Variants in TMEM167A observed in about 807,000 individuals in gnomAD.
TMEM167A encodes transmembrane protein 167A, also known as protein kish-A.
In TMEM167A, 8 loss-of-function variants were observed where a neutral mutation model predicts 11.6. The ratio of observed to expected loss-of-function variants is 0.69; its 90% confidence interval spans 0.40 to 1.24. The LOEUF (loss-of-function observed/expected upper bound fraction) is 1.24, where lower values mean the gene tolerates loss of function less well. Among genes scored for constraint, TMEM167A ranks in the 50% most tolerant of loss-of-function variants. TMEM167A has a pLI of 0.01. For synonymous variants in TMEM167A, 22 were observed against 28.0 expected, an observed-to-expected ratio of 0.79 and a Z score of 0.67; for missense variants, 62 against 87.0, an observed-to-expected ratio of 0.71 and a Z score of 1.14.
chr5:83,073,413 T>C (rs765306375), intron 1 of TMEM167A, among the ~76,000 whole-genome samples: 8 of 152,238 alleles, frequency 5.3e-5, no homozygotes, highest in South Asian at 2.1e-4. Flanking sequence ...GGCATATTTC[T>C]AGTCACAAAA....
In TMEM167A at chr5:83,053,420, T is replaced by TTAC. The variant is rs1331761120; in HGVS notation, c.*3663_*3664insGTA. On this transcript the variant is annotated 3_prime_UTR_variant, in exon 4 of 4. Transcript: ENST00000502346. ...TAAAAATACTGACCTAACTAGTCAG[T>TTAC]TGCCTCCACCTTATATACTATTCAG... The TTAC allele has an allele frequency of 6.6e-6, 1 of 151,956 alleles. No homozygotes were observed. Among genetic ancestry groups the TTAC allele is most frequent in the Non-Finnish European group, 1.5e-5 (1 of 67,906 alleles). 9.4% of individuals were successfully genotyped at this position (151,956 alleles called of 1,614,324 possible).
intron 2 of TMEM167A, chr5:83,064,409 T>A (rs1744450951): frequency 4.1e-6 from 2 of 489,232 alleles, no homozygotes. Flanking sequence ...AATTATTCTT[T>A]AATGAGATAA....
chr5:83,065,771 T>C (rs906682925), intron 1 of TMEM167A, among the ~76,000 whole-genome samples: 1 of 152,190 alleles, frequency 6.6e-6, no homozygotes, highest in African/African-American at 2.4e-5. Context: ...TTGTATTTAA[T>C]AGTTTGAGTC....
At chr5:83,072,032 T>C (rs1199487801) in intron 1 of TMEM167A, among the ~76,000 whole-genome samples, 1 of 152,230 alleles carries the variant, frequency 6.6e-6, no homozygotes, top group African/African-American at 2.4e-5. Flanking sequence ...ATTTAACAAC[T>C]TTCATGGATA....
intron 1 of TMEM167A, among the ~76,000 whole-genome samples, chr5:83,073,084 T>G (rs751393366): frequency 2.0e-5 from 3 of 152,244 alleles, no homozygotes; most frequent in Admixed American, 6.5e-5. Flanking sequence ...TGTTGCATAG[T>G]TGAAAGGGCA....
At chr5:83,062,584 A>C (rs1195674667) in intron 2 of TMEM167A, among the ~76,000 whole-genome samples, 1 of 152,104 alleles carries the variant, frequency 6.6e-6, no homozygotes, top group Non-Finnish European at 1.5e-5. Flanking sequence ...GAATGAATAT[A>C]TTATGAATTA....
chr5:83,066,368 C>T (rs964565740), intron 1 of TMEM167A, among the ~76,000 whole-genome samples: 8 of 152,110 alleles, frequency 5.3e-5, no homozygotes, highest in African/African-American at 1.7e-4. Flanking sequence ...CGGCTGAGTG[C>T]TTACTTGAAA....
chr5:83,071,375 A>G (rs1412989416), intron 1 of TMEM167A: 1 of 152,208 alleles, frequency 6.6e-6, no homozygotes, highest in Non-Finnish European at 1.5e-5. Context: ...CTTTTACATG[A>G]AACTAGTTTA....
intron 1 of TMEM167A, among the ~76,000 whole-genome samples, chr5:83,070,546 A>G (rs918486619): frequency 4.6e-5 from 7 of 152,250 alleles, no homozygotes; most frequent in African/African-American, 1.7e-4. Context: ...GTGTTTTGAA[A>G]TAATAAAAAT....
intron 1 of TMEM167A, 68 bp downstream of exon 1, chr5:83,077,253 C>T: frequency 1.9e-6 from 3 of 1,612,336 alleles, no homozygotes; most frequent in Non-Finnish European, 2.5e-6. Flanking sequence ...CGCACAAACT[C>T]CAGCCCTAGT....
chr5:83,057,892 T>C (rs111230440), intron 3 of TMEM167A, among the ~76,000 whole-genome samples: 437 of 152,216 alleles, frequency 2.9e-3, no homozygotes, highest in African/African-American at 9.7e-3. Flanking sequence ...ATCATGTCAT[T>C]GTGAGTTAAC....
At chr5:83,065,548 G>A (rs1744469454) in intron 1 of TMEM167A, among the ~76,000 whole-genome samples, 1 of 151,980 alleles carries the variant, frequency 6.6e-6, no homozygotes, top group African/African-American at 2.4e-5. Context: ...ATTACAGGTT[G>A]AACATCTCTA....
At chr5:83,058,619 T>A (rs1202855224) in intron 3 of TMEM167A, among the ~76,000 whole-genome samples, 3 of 152,114 alleles carry the variant, frequency 2.0e-5, no homozygotes, top group African/African-American at 7.2e-5. Context: ...ACTAGGGCTA[T>A]ATACCCTCAT....
At chr5:83,066,981 G>A (rs1744492768) in intron 1 of TMEM167A, among the ~76,000 whole-genome samples, 1 of 152,122 alleles carries the variant, frequency 6.6e-6, no homozygotes, top group Admixed American at 6.5e-5. Context: ...GGAGGGCCAA[G>A]CCCTACTACT....
intron 1 of TMEM167A, among the ~76,000 whole-genome samples, chr5:83,074,355 T>C (rs1744607133): frequency 6.6e-6 from 1 of 152,228 alleles, no homozygotes; most frequent in Non-Finnish European, 1.5e-5. Flanking sequence ...GAATTACTTC[T>C]TTCTTGGGGA....
intron 1 of TMEM167A, among the ~76,000 whole-genome samples, chr5:83,076,169 G>T (rs991494755): frequency 2.0e-5 from 3 of 152,178 alleles, no homozygotes; most frequent in Non-Finnish European, 4.4e-5. Flanking sequence ...GTCTCTTCAT[G>T]TTTCACTTCT....
At chr5:83,066,949 T>C (rs1744492271) in intron 1 of TMEM167A, among the ~76,000 whole-genome samples, 1 of 152,218 alleles carries the variant, frequency 6.6e-6, no homozygotes, top group Non-Finnish European at 1.5e-5. Context: ...CATGTTGTGA[T>C]GCAACATAAA....
chr5:83,069,050 G>A (rs1343683234), intron 1 of TMEM167A, among the ~76,000 whole-genome samples: 1 of 152,156 alleles, frequency 6.6e-6, no homozygotes, highest in African/African-American at 2.4e-5. Context: ...AAAGTAGAGT[G>A]TGTATATACG....
chr5:83,077,206 A>T, intron 1 of TMEM167A, 115 bp downstream of exon 1: 2 of 1,475,866 alleles, frequency 1.4e-6, no homozygotes, highest in South Asian at 2.3e-5. Context: ...CATGGCTCCA[A>T]GGCCTCTCAG....
Sources: allele counts gnomAD v4.1 joint callset (sites outside exome capture counted in the v4.1 genomes callset), GRCh38; gene constraint gnomAD v4.1.1; transcripts MANE v1.5; gene names NCBI Gene and HGNC (gene_info 2026-07-23, HGNC 2026-07-21).